VPS54: variants seen among roughly 807,000 people sequenced by gnomAD.
The protein encoded by VPS54 is vacuolar protein sorting-associated protein 54.
Under a neutral mutation model 121.5 loss-of-function variants are expected in VPS54, and 45 were observed. That is an observed-to-expected ratio of 0.37 (90% confidence interval 0.29 to 0.47). VPS54 has a LOEUF of 0.47. VPS54 is among the 20% of genes least tolerant of loss of function. The pLI is 0.99. For synonymous variants in VPS54, 371 were observed against 385.8 expected (o/e 0.96, Z 0.45); for missense variants, 1,090 against 1,131.4 (o/e 0.96, Z 0.52).
chr2:63,954,478 T>C (rs926883292), intron 7 of VPS54, among the ~76,000 whole-genome samples: 1 of 152,110 alleles, frequency 6.6e-6, no homozygotes, highest in African/African-American at 2.4e-5. Flanking sequence ...CTGTCTAATC[T>C]TGTAAGAATT....
intron 1 of VPS54, among the ~76,000 whole-genome samples, chr2:63,996,182 CAGA>C (rs1469268060): frequency 1.3e-5 from 2 of 152,176 alleles, no homozygotes; most frequent in African/African-American, 2.4e-5. Context: ...GAAGCCATGG[CAGA>C]AGAACATAAA....
intron 12 of VPS54, among the ~76,000 whole-genome samples, chr2:63,927,213 C>A (rs35521527): frequency 0.18 from 27,044 of 152,122 alleles, 3,162 homozygotes; most frequent in Non-Finnish European, 0.24. Flanking sequence ...TCAAGTGGAT[C>A]CCTGACCCCC....
At chr2:63,916,775 A>C in intron 16 of VPS54, 125 bp downstream of exon 16, 1 of 836,466 alleles carries the variant, frequency 1.2e-6, no homozygotes, top group East Asian at 2.6e-5. Flanking sequence ...GATTTAAAAC[A>C]GTTAATCCAA....
At chr2:63,944,127 G>T (rs1209864278) in intron 10 of VPS54, among the ~76,000 whole-genome samples, 1 of 151,994 alleles carries the variant, frequency 6.6e-6, no homozygotes, top group African/African-American at 2.4e-5. Context: ...ATTAAAAGTT[G>T]ATTTTAATTA....
chr2:63,999,731 G>C (rs1222351940), intron 1 of VPS54, among the ~76,000 whole-genome samples: 1 of 151,906 alleles, frequency 6.6e-6, no homozygotes, highest in African/African-American at 2.4e-5. Flanking sequence ...TCTTAGATTT[G>C]CCCCTTCAAG....
chr2:63,972,388 T>A (rs933264646), intron 3 of VPS54, 144 bp from the exon 4 acceptor site: 2 of 518,190 alleles, frequency 3.9e-6, no homozygotes, highest in Non-Finnish European at 6.8e-6. Context: ...TGAACTTAAA[T>A]ACAAGTAACA....
chr2:63,992,785 T>TA (rs1677390678), intron 1 of VPS54, among the ~76,000 whole-genome samples: 1 of 152,406 alleles, frequency 6.6e-6, no homozygotes, highest in East Asian at 1.9e-4. Flanking sequence ...CCTGCTTTAA[T>TA]ACCTAAAAAT....
chr2:64,018,741 GA>G, intron 1 of VPS54, among the ~76,000 whole-genome samples, 196 bp downstream of exon 1: 1 of 85,814 alleles, frequency 1.2e-5, no homozygotes, highest in South Asian at 3.6e-4. Context: ...GAGGGAGAGT[GA>G]AAAGGAAAAA....
chr2:63,999,213 G>T (rs1677753601), intron 1 of VPS54, among the ~76,000 whole-genome samples: 1 of 152,102 alleles, frequency 6.6e-6, no homozygotes, highest in Admixed American at 6.5e-5. Context: ...GCCTCCCAAA[G>T]TGCCAGGATT....
intron 20 of VPS54, among the ~76,000 whole-genome samples, chr2:63,904,243 A>G (rs1260603388): frequency 1.3e-5 from 2 of 152,054 alleles, no homozygotes; most frequent in Non-Finnish European, 2.9e-5. Flanking sequence ...AATTGAGACC[A>G]GCCTGGCCAA....
At chr2:64,014,766 C>T (rs1487113107) in intron 1 of VPS54, among the ~76,000 whole-genome samples, 1 of 130,104 alleles carries the variant, frequency 7.7e-6, no homozygotes, top group Admixed American at 8.0e-5. Flanking sequence ...TTACAATAGC[C>T]TTGTAATACA....
chr2:63,924,953 A>G (rs1269961495), intron 12 of VPS54, among the ~76,000 whole-genome samples: 1 of 152,228 alleles, frequency 6.6e-6, no homozygotes, highest in Non-Finnish European at 1.5e-5. Context: ...GACAGTAACA[A>G]AGTTTCTAGA....
intron 20 of VPS54, among the ~76,000 whole-genome samples, chr2:63,905,080 T>C (rs897437511): frequency 4.6e-5 from 7 of 152,108 alleles, no homozygotes; most frequent in African/African-American, 1.7e-4. Flanking sequence ...GATTATCAAA[T>C]GCTTATATTC....
intron 7 of VPS54, 97 bp downstream of exon 7, chr2:63,961,961 T>C: frequency 7.9e-7 from 1 of 1,263,900 alleles, no homozygotes; most frequent in Non-Finnish European, 1.1e-6. Context: ...AATATCCATT[T>C]AACTTTGAAT....
chr2:63,909,483 G>T (rs545535077), intron 20 of VPS54, among the ~76,000 whole-genome samples: 1 of 132,440 alleles, frequency 7.6e-6, no homozygotes, highest in Non-Finnish European at 1.5e-5. Flanking sequence ...GTGCAGTGGC[G>T]TGATCTTGGC....
At chr2:63,963,544 T>C (rs150158099) in intron 6 of VPS54, among the ~76,000 whole-genome samples, 22 of 152,224 alleles carry the variant, frequency 1.4e-4, no homozygotes, top group African/African-American at 5.1e-4. Flanking sequence ...TCTCATAAGA[T>C]TAGAAGAGAC....
In VPS54 at chr2:63,893,453, C is replaced by A; in HGVS notation, c.2911G>T (p.Glu971Ter). 2 of 1,613,996 alleles carry A rather than the reference C, an allele frequency of 1.2e-6. No homozygotes were observed. The highest frequency in any genetic ancestry group is 1.7e-6 in the Non-Finnish European group (2 of 1,179,912). The change falls in exon 23 of 23, where the codon GAA (glutamate) becomes TAA (stop). Residue 971 changes from glutamate (E) to a stop codon, truncating the protein, a stop_gained. Transcript: ENST00000272322. LOFTEE classifies it high-confidence loss of function. Reference sequence around the variant, plus strand: ...CATCACCTCTTCTGCTCCCAAATTTCGGCCATATTTAGGTCCAAATCTTTA... The same window carrying A: ...CATCACCTCTTCTGCTCCCAAATTTAGGCCATATTTAGGTCCAAATCTTTA... ...GLKDLDLNMA[E>*]IWEQKR is the part of the protein sequence containing the mutation.
chr2:63,893,689 A>G (rs907374481), intron 22 of VPS54, among the ~76,000 whole-genome samples, 154 bp from the exon 23 acceptor site: 14 of 152,252 alleles, frequency 9.2e-5, no homozygotes, highest in Admixed American at 7.2e-4. Flanking sequence ...GATTCCTGCT[A>G]TGAATAAGTA....
intron 3 of VPS54, among the ~76,000 whole-genome samples, chr2:63,979,237 G>GTTT (rs1559036093): frequency 7.1e-6 from 1 of 140,322 alleles, no homozygotes; most frequent in Admixed American, 7.0e-5. Flanking sequence ...TCTTTTTTCT[G>GTTT]TTTGTTTTTT....
Sources: allele counts gnomAD v4.1 joint callset (sites outside exome capture counted in the v4.1 genomes callset), GRCh38; gene constraint gnomAD v4.1.1; transcripts MANE v1.5; gene names NCBI Gene and HGNC (gene_info 2026-07-23, HGNC 2026-07-21).